ABHD12: variants seen among roughly 807,000 people sequenced by gnomAD.
The protein encoded by ABHD12 is abhydrolase domain containing 12, lysophospholipase.
A neutral mutation model predicts 58.3 loss-of-function variants in ABHD12; 43 were observed. The ratio of observed to expected loss-of-function variants is 0.74; its 90% confidence interval spans 0.58 to 0.95. ABHD12 has a LOEUF of 0.95. Ranked by LOEUF, ABHD12 falls within the 40% of genes least tolerant of loss-of-function variation. The probability of loss-of-function intolerance (pLI) is 0.00; values close to 1 mark genes in which losing one functional copy is unlikely to be tolerated. For synonymous variants in ABHD12, 219 were observed against 211.2 expected, an observed-to-expected ratio of 1.04 and a Z score of -0.32; for missense variants, 539 against 537.2, an observed-to-expected ratio of 1.00 and a Z score of -0.03.
intron 3 of ABHD12, among the ~76,000 whole-genome samples, chr20:25,322,382 T>TATATATA (rs1491359839): frequency 0.014 from 543 of 38,250 alleles, 14 homozygotes; most frequent in South Asian, 0.048. Context: ...TATATATATA[T>TATATATA]TTTTTTTTTT....
chr20:25,295,667 C>T (rs777761074), downstream of ABHD12: 66 of 1,612,882 alleles, frequency 4.1e-5, no homozygotes, highest in Non-Finnish European at 5.0e-5. Context: ...ACCAGCTGTA[C>T]CGGGTGAGGC....
Position 25,300,492 on chromosome 20 carries a change from C to A in ABHD12, c.*353G>T. 7.8e-7 allele frequency: 1 copy of A among 1,275,744 alleles called. No individual in the cohort carries two copies. 79.0% of individuals were successfully genotyped at this position (1,275,744 alleles called of 1,614,324 possible). Reference sequence around the variant, plus strand: ...GGTGCCAAAAAGCTCAGCATGGTCCCGAGCCCCAAGAGTCCCCTGCCCGGA... The same window carrying A: ...GGTGCCAAAAAGCTCAGCATGGTCCAGAGCCCCAAGAGTCCCCTGCCCGGA... On this transcript the variant is annotated 3_prime_UTR_variant, in exon 13 of 13. Transcript: ENST00000339157.
intron 1 of ABHD12, among the ~76,000 whole-genome samples, chr20:25,371,537 A>G (rs1044107847): frequency 3.9e-5 from 6 of 152,126 alleles, no homozygotes; most frequent in African/African-American, 1.2e-4. Context: ...TGGTTCCTAG[A>G]TTTTTGTTTC....
At chr20:25,358,321 G>T (rs546854779) in intron 1 of ABHD12, among the ~76,000 whole-genome samples, 11 of 152,310 alleles carry the variant, frequency 7.2e-5, no homozygotes, top group African/African-American at 2.6e-4. Flanking sequence ...TTAGCACAAG[G>T]ATGCTGGGTG....
intron 1 of ABHD12, chr20:25,339,678 C>T (rs866548636): frequency 7.2e-7 from 1 of 1,382,512 alleles, no homozygotes; most frequent in African/African-American, 1.5e-5. Context: ...CACCTGACAT[C>T]AGACCCCAGC....
At chr20:25,384,030 T>G (rs2146139290) in intron 1 of ABHD12, among the ~76,000 whole-genome samples, 1 of 146,386 alleles carries the variant, frequency 6.8e-6, no homozygotes, top group Admixed American at 6.9e-5. Flanking sequence ...TAGTCCCAGC[T>G]ACTCAGGAGG....
At chr20:25,298,649 T>C (rs1490866026), downstream of ABHD12, among the ~76,000 whole-genome samples, 1 of 152,254 alleles carries the variant, frequency 6.6e-6, no homozygotes, top group Non-Finnish European at 1.5e-5. Context: ...ACCTTTCTGG[T>C]GTGACTTGTG....
chr20:25,322,381 A>ATATATATATATT, intron 3 of ABHD12, among the ~76,000 whole-genome samples: 5 of 59,270 alleles, frequency 8.4e-5, no homozygotes, highest in Middle Eastern at 9.4e-3. Flanking sequence ...ATATATATAT[A>ATATATATATATT]TTTTTTTTTT....
intron 1 of ABHD12, among the ~76,000 whole-genome samples, chr20:25,352,170 T>G (rs965439554): frequency 6.6e-6 from 1 of 151,424 alleles, no homozygotes; most frequent in African/African-American, 2.4e-5. Flanking sequence ...TTTTGTATTT[T>G]TAGTAGAGAT....
chr20:25,343,554 C>T (rs1009197080), intron 1 of ABHD12, among the ~76,000 whole-genome samples: 34 of 152,160 alleles, frequency 2.2e-4, no homozygotes, highest in African/African-American at 8.0e-4. Context: ...CCTGTAATTC[C>T]AGCACTTTGG....
At chr20:25,363,330 T>C (rs1420200785) in intron 1 of ABHD12, among the ~76,000 whole-genome samples, 1 of 151,356 alleles carries the variant, frequency 6.6e-6, no homozygotes, top group Non-Finnish European at 1.5e-5. Context: ...ATGATTCTCC[T>C]GCCTCAGCCT....
chr20:25,361,465 A>G (rs905098329), intron 1 of ABHD12, among the ~76,000 whole-genome samples: 1 of 152,064 alleles, frequency 6.6e-6, no homozygotes, highest in Non-Finnish European at 1.5e-5. Flanking sequence ...GTGCGATCTC[A>G]GCTCACTGGA....
intron 12 of ABHD12, among the ~76,000 whole-genome samples, chr20:25,301,741 C>G (rs890091257): frequency 6.6e-5 from 10 of 152,278 alleles, no homozygotes; most frequent in Admixed American, 2.6e-4. Context: ...GCTCTGCACT[C>G]AGGCCCAGGT....
At chr20:25,333,767 C>A in intron 2 of ABHD12, among the ~76,000 whole-genome samples, 1 of 151,854 alleles carries the variant, frequency 6.6e-6, no homozygotes. Flanking sequence ...ACCCTTCATG[C>A]TAAAAACTCT....
In ABHD12 at chr20:25,318,306, C is replaced by T. The variant is rs375686923; in HGVS notation, c.543-1228G>A. Among the ~76,000 whole-genome samples, 179 of 32,196 alleles carry T rather than the reference C, an allele frequency of 5.6e-3. 1 individual carries two copies. The highest frequency in any genetic ancestry group is 0.022 in the African/African-American group (171 of 7,940). The allele number at this position is 32,196 out of a possible 152,430, so 21.1% of individuals were successfully genotyped here. ...CTCCAGCCTGGGCAACAGAGTGAGA[C>T]TCTGTCTCAAAAATTAAAATAAAAA... On this transcript the variant is annotated intron_variant, in intron 4 of 12. Transcript: ENST00000339157.
chr20:25,335,049 C>T (rs1404121564), intron 2 of ABHD12, among the ~76,000 whole-genome samples: 1 of 151,012 alleles, frequency 6.6e-6, no homozygotes, highest in Non-Finnish European at 1.5e-5. Context: ...TTTTCACAAC[C>T]TACTCATCTG....
downstream of ABHD12, chr20:25,296,590 C>CCAAA (rs1189743655): frequency 1.5e-5 from 23 of 1,539,840 alleles, no homozygotes; most frequent in East Asian, 1.1e-4. Flanking sequence ...CCTTTTTTCC[C>CCAAA]CAAACACTTT....
rs1366552448 is a variant in ABHD12 at position 25,390,665 on chromosome 20, C to G, written c.39G>C (p.Glu13Asp). ...KRTEPVALEHERCAAAGSSSS... is the reference protein window; with the variant it reads ...KRTEPVALEHDRCAAAGSSSS... ...AGGACGAGCCCGCGGCGGCGCAGCG[C>G]TCATGCTCCAAGGCGACGGGCTCGG... The change falls in exon 1 of 13, where the codon GAG becomes GAC. Residue 13 changes from glutamate (E) to aspartate (D), a missense_variant. By Grantham distance (45) the Glu-to-Asp change is conservative. Coordinates refer to ENST00000339157, the MANE Select transcript of ABHD12 (RefSeq NM_001042472.3). 29 of 1,436,892 alleles carry G rather than the reference C, an allele frequency of 2.0e-5. No individual in the cohort carries two copies. The highest frequency in any genetic ancestry group is 2.5e-5 in the Non-Finnish European group (28 of 1,098,310). 89.0% of individuals were successfully genotyped at this position (1,436,892 alleles called of 1,614,324 possible).
intron 1 of ABHD12, among the ~76,000 whole-genome samples, chr20:25,384,569 ACT>A (rs1359412108): frequency 2.6e-5 from 4 of 151,972 alleles, no homozygotes; most frequent in African/African-American, 9.7e-5. Flanking sequence ...ACATGGCAAA[ACT>A]CTGTCTCTAC....
Sources: allele counts gnomAD v4.1 joint callset (sites outside exome capture counted in the v4.1 genomes callset), GRCh38; gene constraint gnomAD v4.1.1; transcripts MANE v1.5; gene names NCBI Gene and HGNC (gene_info 2026-07-23, HGNC 2026-07-21).